The following ANKRD11 variants were observed in gnomAD, a reference collection of about 807,000 sequenced individuals.
ANKRD11 encodes ankyrin repeat domain 11, also known as ankyrin repeat domain-containing protein 11.
ANKRD11 carries 17 observed loss-of-function variants against 195.7 expected under a neutral mutation model. The observed-to-expected ratio is 0.09, with a 90% CI of 0.06 to 0.13. The LOEUF (loss-of-function observed/expected upper bound fraction) is 0.13, where lower values mean the gene tolerates loss of function less well. ANKRD11 is among the 10% of genes least tolerant of loss of function. ANKRD11 has a pLI of 1.00. For missense variants in ANKRD11, 3,735 were observed against 3,566.1 expected (o/e 1.05, Z -1.21); for synonymous variants, 1,953 against 1,528.1 (o/e 1.28, Z -6.49).
At chr16:89,391,470 C>T (rs1376901370) in intron 2 of ANKRD11, among the ~76,000 whole-genome samples, 1 of 152,288 alleles carries the variant, frequency 6.6e-6, no homozygotes, top group African/African-American at 2.4e-5. Context: ...AACTGACTGC[C>T]TCCCTGCTGC....
intron 4 of ANKRD11, among the ~76,000 whole-genome samples, chr16:89,304,301 C>A (rs1005195164): frequency 2.6e-5 from 4 of 151,852 alleles, no homozygotes; most frequent in Admixed American, 2.6e-4. Flanking sequence ...CATGGGCACA[C>A]AGGCACACAC....
chr16:89,326,948 G>C (rs1405495579), intron 2 of ANKRD11, among the ~76,000 whole-genome samples: 1 of 152,210 alleles, frequency 6.6e-6, no homozygotes, highest in Non-Finnish European at 1.5e-5. Context: ...CGGAGACGCA[G>C]AGAAAAGCAG....
chr16:89,382,003 T>C (rs1006063289), intron 2 of ANKRD11, among the ~76,000 whole-genome samples: 5 of 152,134 alleles, frequency 3.3e-5, no homozygotes, highest in African/African-American at 1.2e-4. Context: ...TAAAAGTGCT[T>C]TACAAACCGT....
In ANKRD11 at chr16:89,268,255, G is replaced by A. The variant is rs1251222362; in HGVS notation, c.*223C>T. Reference sequence around the variant, plus strand: ...CGCCGGGGCCAGTGAGGCTCTGGGGGCTTTGCCCCCGCCGCGGCAGCTGGT... The same window carrying A: ...CGCCGGGGCCAGTGAGGCTCTGGGGACTTTGCCCCCGCCGCGGCAGCTGGT... On this transcript the variant is annotated 3_prime_UTR_variant, in exon 13 of 13. Coordinates refer to ENST00000301030, the MANE Select transcript of ANKRD11 (RefSeq NM_013275.6). The A allele has an allele frequency of 3.3e-6, 1 of 299,304 alleles. No individual in the cohort carries two copies. The highest frequency in any genetic ancestry group is 7.2e-5 in the East Asian group (1 of 13,922). 18.5% of individuals were successfully genotyped at this position (299,304 alleles called of 1,614,324 possible).
At chr16:89,383,724 G>A (rs1028268680) in intron 2 of ANKRD11, among the ~76,000 whole-genome samples, 16 of 152,122 alleles carry the variant, frequency 1.1e-4, no homozygotes, top group African/African-American at 2.9e-4. Flanking sequence ...CGCAGCAGAC[G>A]TCCAGCCCCT....
At position 89,284,854 on chromosome 16, in the gene ANKRD11, C is replaced by G. The variant is rs770001683; in HGVS notation, c.1688G>C (p.Ser563Thr). The G allele has an allele frequency of 6.2e-7, 1 of 1,614,044 alleles. No homozygotes were observed. The highest frequency in any genetic ancestry group is 1.3e-5 in the African/African-American group (1 of 75,046). ...TISSPAWSEVSSLSDSTRTRL... is the reference protein window; with the variant it reads ...TISSPAWSEVTSLSDSTRTRL... ...CGTCCTTGTGGAGTCTGATAAAGAA[C>G]TGACCTCTGACCAAGCCGGGGAAGA... The change falls in exon 9 of 13, where the codon AGT (serine) becomes ACT (threonine). Residue 563 changes from serine (S) to threonine (T), a missense_variant. Ser to Thr is a moderately conservative substitution (Grantham distance 58). Transcript: ENST00000301030.
chr16:89,325,477 A>C (rs1597650212), intron 2 of ANKRD11, among the ~76,000 whole-genome samples: 1 of 151,790 alleles, frequency 6.6e-6, no homozygotes, highest in Non-Finnish European at 1.5e-5. Flanking sequence ...TCTCACACAC[A>C]CACACACACA....
intron 3 of ANKRD11, among the ~76,000 whole-genome samples, chr16:89,309,913 C>T (rs1018101045): frequency 1.3e-5 from 2 of 152,226 alleles, no homozygotes; most frequent in African/African-American, 4.8e-5. Flanking sequence ...CCGGGCCCCA[C>T]CAGCCTGCCG....
chr16:89,271,303 T>A (rs946893894), intron 11 of ANKRD11: 14 of 312,864 alleles, frequency 4.5e-5, no homozygotes, highest in African/African-American at 2.8e-4. Flanking sequence ...AATGGCGCGA[T>A]CCTGGCTCAC....
intron 3 of ANKRD11, chr16:89,313,379 G>A (rs527899878): frequency 6.3e-5 from 81 of 1,288,048 alleles, no homozygotes; most frequent in East Asian, 6.1e-4. Context: ...GCAGCTCAGC[G>A]GTTCTGGGAT....
chr16:89,370,356 C>G (rs751809530), intron 2 of ANKRD11, among the ~76,000 whole-genome samples: 1 of 152,128 alleles, frequency 6.6e-6, no homozygotes, highest in Non-Finnish European at 1.5e-5. Flanking sequence ...GAAGGGGAGA[C>G]AGGCGTGCCC....
intron 11 of ANKRD11, chr16:89,271,214 C>T: frequency 2.2e-6 from 1 of 462,986 alleles, no homozygotes; most frequent in Non-Finnish European, 4.0e-6. Context: ...CAGAGCTCAG[C>T]CCACTGCCAA....
chr16:89,274,408 C>T (rs1275843271), intron 11 of ANKRD11, among the ~76,000 whole-genome samples: 1 of 152,208 alleles, frequency 6.6e-6, no homozygotes, highest in Non-Finnish European at 1.5e-5. Context: ...GGGGCCTGTG[C>T]TGTGAAAGCC....
chr16:89,403,647 T>C (rs968434726), intron 2 of ANKRD11: 1 of 152,126 alleles, frequency 6.6e-6, no homozygotes, highest in African/African-American at 2.4e-5. Context: ...AACACTTCTT[T>C]AGGTGAGCAC....
chr16:89,386,943 G>A (rs944220657), intron 2 of ANKRD11, among the ~76,000 whole-genome samples: 10 of 152,054 alleles, frequency 6.6e-5, no homozygotes, highest in African/African-American at 2.2e-4. Context: ...TCAAGGGCAT[G>A]AAGGGCTTGG....
At chr16:89,338,184 C>T (rs1375930029) in intron 2 of ANKRD11, among the ~76,000 whole-genome samples, 3 of 152,166 alleles carry the variant, frequency 2.0e-5, no homozygotes, top group African/African-American at 4.8e-5. Context: ...CCCCGAGACG[C>T]ACTCTCACTG....
intron 2 of ANKRD11, among the ~76,000 whole-genome samples, chr16:89,369,303 C>G (rs1476731809): frequency 2.6e-5 from 4 of 152,232 alleles, no homozygotes; most frequent in African/African-American, 9.6e-5. Context: ...ACTCGCAGGT[C>G]TGTGTTCACA....
Position 89,283,575 on chromosome 16 carries a change from G to C in ANKRD11, c.2967C>G (p.Ser989=), listed in dbSNP as rs375678160. 6 of 1,610,738 alleles carry C rather than the reference G, an allele frequency of 3.7e-6. No homozygotes were observed. Among genetic ancestry groups the C allele is most frequent in the Non-Finnish European group, 5.1e-6 (6 of 1,180,000 alleles). The change falls in exon 9 of 13, where the codon TCC becomes TCG. Residue 989 remains serine (S), a synonymous_variant. Transcript: ENST00000301030. The surrounding 1 kb of genome is among the most constrained non-coding windows in gnomAD (Gnocchi z 4.3). ...CGCESGFKDK[S]DGDFGKGLEP... Reference sequence around the variant, plus strand: ...CCAGGCCCTTCCCAAAGTCGCCGTCGGACTTGTCCTTGAAGCCACTCTCGC... The same window carrying C: ...CCAGGCCCTTCCCAAAGTCGCCGTCCGACTTGTCCTTGAAGCCACTCTCGC...
At chr16:89,353,143 AC>A (rs1243097907) in intron 2 of ANKRD11, among the ~76,000 whole-genome samples, 1 of 152,150 alleles carries the variant, frequency 6.6e-6, no homozygotes, top group African/African-American at 2.4e-5. Context: ...GGAGTTCAAG[AC>A]CAGCCTGGCC....
Sources: allele counts gnomAD v4.1 joint callset (sites outside exome capture counted in the v4.1 genomes callset), GRCh38; gene constraint gnomAD v4.1.1; non-coding constraint Gnocchi (gnomAD v3.1); transcripts MANE v1.5; gene names NCBI Gene and HGNC (gene_info 2026-07-23, HGNC 2026-07-21).